The following SCNN1A variants were observed in gnomAD, a reference collection of about 807,000 sequenced individuals.
The protein encoded by SCNN1A is sodium channel epithelial 1 subunit alpha.
Under a neutral mutation model 68.6 loss-of-function variants are expected in SCNN1A, and 65 were observed. That is an observed-to-expected ratio of 0.95 (90% CI 0.78 to 1.16). The LOEUF (loss-of-function observed/expected upper bound fraction) is 1.16. SCNN1A is among the 50% of genes most tolerant of loss of function. The probability of loss-of-function intolerance (pLI) is 0.00; values close to 1 mark genes in which losing one functional copy is unlikely to be tolerated. For missense variants in SCNN1A, 880 were observed against 865.9 expected (o/e 1.02, Z -0.20); for synonymous variants, 357 against 353.3 (o/e 1.01, Z -0.12).
At chr12:6,377,201 A>T (rs934966248), upstream of SCNN1A, 15 of 1,511,958 alleles carry the variant, frequency 9.9e-6, no homozygotes, top group Middle Eastern at 1.7e-4. Context: ...GCGACTTCTT[A>T]AAGTGAAAGC....
Position 6,354,764 on chromosome 12 carries a change from T to C in SCNN1A, c.1228A>G (p.Lys410Glu), listed in dbSNP as rs761309529. 5.0e-6 allele frequency: 8 copies of C among 1,613,732 alleles called. No homozygotes were observed. Among genetic ancestry groups the C allele is most frequent in the Non-Finnish European group, 5.1e-6 (6 of 1,179,806 alleles). The change falls in exon 7 of 13, where the codon AAG becomes GAG. Residue 410 changes from lysine to glutamate, a missense_variant. Lys to Glu is a moderately conservative substitution (Grantham distance 56, BLOSUM62 1). Around this residue, in one of 3 missense-constraint regions of SCNN1A, gnomAD observed 758 missense variants for 721.8 expected, o/e 1.05. Transcript: ENST00000228916. Reference sequence around the variant, plus strand: ...TTGGGCCTCACCTGCTGTGTGTACTTTGAAGGGTAAAGGTTCTCAACAGGA... The same window carrying C: ...TTGGGCCTCACCTGCTGTGTGTACTCTGAAGGGTAAAGGTTCTCAACAGGA... ...DVPVENLYPSKYTQQVCIHSC... is the reference protein window; with the variant it reads ...DVPVENLYPSEYTQQVCIHSC...
At chr12:6,355,186 C>A in intron 6 of SCNN1A, 86 bp downstream of exon 6, 3 of 1,456,120 alleles carry the variant, frequency 2.1e-6, no homozygotes, top group South Asian at 1.2e-5. Context: ...ACCCCACATG[C>A]TCTCCCTCTC....
Position 6,372,679 on chromosome 12 carries a change from G to A in SCNN1A, c.416+1689C>T, listed in dbSNP as rs1031715374. Among the ~76,000 whole-genome samples, 4 of 152,128 alleles carry A rather than the reference G, an allele frequency of 2.6e-5. No individual in the cohort carries two copies. The highest frequency in any genetic ancestry group is 7.2e-5 in the African/African-American group (3 of 41,416). On this transcript the variant is annotated intron_variant, in intron 2 of 12. Transcript: ENST00000228916. The surrounding 1 kb of genome is among the most constrained non-coding windows in gnomAD (Gnocchi z 5.8). ...ATATTTATTGAGTGCCCACTGCCCC[G>A]CCTGCTGTCCTTCCCCTTCCTGCTG...
intron 2 of SCNN1A, among the ~76,000 whole-genome samples, chr12:6,373,050 G>A (rs1023621492): frequency 3.9e-5 from 6 of 152,118 alleles, no homozygotes; most frequent in Non-Finnish European, 5.9e-5. Context: ...CCTTCGCAGC[G>A]TCTGTGCACA....
In SCNN1A at chr12:6,348,808, G is replaced by A. The variant is rs376456435; in HGVS notation, c.1554-6C>T. On this transcript the variant is annotated splice_polypyrimidine_tract_variant and splice_region_variant and intron_variant, in intron 11 of 12. Coordinates refer to ENST00000228916, the MANE Select transcript of SCNN1A (RefSeq NM_001038.6). ...TGACTTTGGCCACTCCATTTCTTAG[G>A]TGTGGGGCAGAGGGTGGGAAGAAAT... 124 of 1,613,606 alleles carry A rather than the reference G, an allele frequency of 7.7e-5. 1 individual carries two copies. The East Asian group carries it at 1.9e-3, about 25-fold the overall frequency.
chr12:6,369,801 T>C (rs1383395177), intron 2 of SCNN1A, among the ~76,000 whole-genome samples: 1 of 129,770 alleles, frequency 7.7e-6, no homozygotes, highest in Non-Finnish European at 1.5e-5. Context: ...ACCACTGCAC[T>C]CCAGCCTGGG....
rs954710150 is a variant in SCNN1A, at chr12:6,349,231, G to A, written c.1440-10C>T. ...CTGGTAGCTGGTCACGCTGGGGATG[G>A]AGAAAGGTGCTCAGTGTTGGGGCAG... On this transcript the variant is annotated splice_polypyrimidine_tract_variant and intron_variant, in intron 9 of 12. Transcript: ENST00000228916. The A allele has an allele frequency of 5.6e-6, 9 of 1,614,026 alleles. No individual in the cohort carries two copies. Among genetic ancestry groups the A allele is most frequent in the African/African-American group, 4.0e-5 (3 of 74,912 alleles).
At chr12:6,352,679 C>G (rs907478460) in intron 8 of SCNN1A, among the ~76,000 whole-genome samples, 3 of 152,222 alleles carry the variant, frequency 2.0e-5, no homozygotes, top group Non-Finnish European at 4.4e-5. Flanking sequence ...GAGATGAGGC[C>G]AGATGGCCTT....
At position 6,348,137 on chromosome 12, in the gene SCNN1A, G is replaced by A. The variant is rs1460404462; in HGVS notation, c.1746C>T (p.Leu582=). 12 of 1,614,084 alleles carry A rather than the reference G, an allele frequency of 7.4e-6. No individual in the cohort carries two copies. The African/African-American group carries it at 1.2e-4, about 16-fold the overall frequency. The change falls in exon 13 of 13, where the codon CTC becomes CTT. Residue 582 remains leucine (L), a synonymous_variant. Coordinates refer to ENST00000228916, the MANE Select transcript of SCNN1A (RefSeq NM_001038.6). ...LVFDLLVIMF[L]MLLRRFRSRY... ...GGCTTCGGAACCTTCGGAGCAGCATGAGGAACATGATGACCAGCAGGTCAA... is the reference window on the plus strand; with the variant it reads ...GGCTTCGGAACCTTCGGAGCAGCATAAGGAACATGATGACCAGCAGGTCAA...
chr12:6,348,850 C>A (rs752463956), intron 11 of SCNN1A, 48 bp from the exon 12 acceptor site: 2 of 1,602,096 alleles, frequency 1.2e-6, no homozygotes, highest in Non-Finnish European at 1.7e-6. Flanking sequence ...GGATGAATTT[C>A]CTGGACCTTC....
rs199644972 is a variant in SCNN1A at position 6,358,004 on chromosome 12, G to GA, written c.876-2125dup. ...TAAGAGTGAAACTCCGTCTCCAAAA[G>GA]AAAAAAAAAGAGCACAGACTCCAGA... On this transcript the variant is annotated intron_variant, in intron 4 of 12. Coordinates refer to ENST00000228916, the MANE Select transcript of SCNN1A (RefSeq NM_001038.6). 4.7e-5 allele frequency among the ~76,000 whole-genome samples: 7 copies of GA among 150,520 alleles called. No homozygotes were observed. The East Asian group carries it at 5.8e-4, about 13-fold the overall frequency.
At position 6,369,189 on chromosome 12, in the gene SCNN1A, C is replaced by G. The variant is rs754170350; in HGVS notation, c.416+5179G>C. 5.4e-4 allele frequency among the ~76,000 whole-genome samples: 82 copies of G among 152,040 alleles called. 2 individuals are homozygous for G. The highest frequency in any genetic ancestry group is 8.8e-5 in the Non-Finnish European group (6 of 67,990). On this transcript the variant is annotated intron_variant, in intron 2 of 12. Coordinates refer to ENST00000228916, the MANE Select transcript of SCNN1A (RefSeq NM_001038.6). ...ATCACCAACTTCAATCTGGTTGTCA[C>G]TTCTCTGGCCACACTCCTCTCCCCT...
chr12:6,356,100 T>C, intron 4 of SCNN1A: 1 of 603,402 alleles, frequency 1.7e-6, no homozygotes, highest in Non-Finnish European at 3.0e-6. Flanking sequence ...GAGAGTCTCA[T>C]CCTCATATCA....
intron 8 of SCNN1A, among the ~76,000 whole-genome samples, chr12:6,350,433 C>CAAAAAAAAAAA (rs757902358): frequency 1.5e-5 from 1 of 64,998 alleles, no homozygotes; most frequent in African/African-American, 5.3e-5. Flanking sequence ...GACTCCGTCT[C>CAAAAAAAAAAA]AAAAAAAAAA....
At position 6,354,795 on chromosome 12, in the gene SCNN1A, A is replaced by T. The variant is rs766246552; in HGVS notation, c.1197T>A (p.Ser399Arg). 15 of 1,612,598 alleles carry T rather than the reference A, an allele frequency of 9.3e-6. No individual in the cohort carries two copies. Among genetic ancestry groups the T allele is most frequent in the Non-Finnish European group, 1.2e-5 (14 of 1,179,636 alleles). ...GDYGDCTKNG[S>R]DVPVENLYPS... The stretch of plus-strand genomic sequence containing the variant: ...GGTAAAGGTTCTCAACAGGAACATC[A>T]CTGCCATTCTTGGTGCAGTCGCCAT... Residue 399 changes from serine to arginine, a missense_variant, in exon 7 of 13, where the codon AGT becomes AGA. This residue lies in a region of SCNN1A where 758 missense variants were observed against 721.8 expected (regional missense o/e 1.05). Coordinates refer to ENST00000228916, the MANE Select transcript of SCNN1A (RefSeq NM_001038.6).
chr12:6,373,117 C>T (rs762766040), intron 2 of SCNN1A, among the ~76,000 whole-genome samples: 175 of 151,970 alleles, frequency 1.2e-3, no homozygotes, highest in Non-Finnish European at 1.6e-3. Flanking sequence ...CGTTAATCAA[C>T]GAAATGACCT....
rs1444129243 is a variant in SCNN1A at position 6,372,821 on chromosome 12, T to C, written c.416+1547A>G. ...GCTCTGAAATGAGGCGGAAGCCACA[T>C]CTGACTGGAAGTTTCATTCACTCAA... On this transcript the variant is annotated intron_variant, in intron 2 of 12. Coordinates refer to ENST00000228916, the MANE Select transcript of SCNN1A (RefSeq NM_001038.6). The surrounding 1 kb of genome is among the most constrained non-coding windows in gnomAD (Gnocchi z 5.8). 6.6e-6 allele frequency among the ~76,000 whole-genome samples: 1 copy of C among 152,116 alleles called. No individual in the cohort carries two copies. The highest frequency in any genetic ancestry group is 1.5e-5 in the Non-Finnish European group (1 of 68,024).
In SCNN1A at chr12:6,374,587, G is replaced by T; in HGVS notation, c.197C>A (p.Thr66Asn). The T allele has an allele frequency of 1.2e-6, 2 of 1,614,128 alleles. No individual in the cohort carries two copies. Among genetic ancestry groups the T allele is most frequent in the Non-Finnish European group, 1.7e-6 (2 of 1,180,012 alleles). ...CAGGCGGATGGCGCCGTGGATGGTG[G>T]TGTTGTTGCAGAAGAACTCGAAGAG... The part of the protein sequence containing the change: ...RELFEFFCNN[T>N]TIHGAIRLVC... Residue 66 changes from threonine to asparagine, a missense_variant, in exon 2 of 13, where the codon ACC becomes AAC. This residue lies in a region of SCNN1A where 45 missense variants were observed against 76.7 expected (regional missense o/e 0.59). Coordinates refer to ENST00000228916, the MANE Select transcript of SCNN1A (RefSeq NM_001038.6). This position sits in a 1 kb window ranked among gnomAD's most constrained non-coding sequence, Gnocchi z 6.2.
At chr12:6,361,333 T>C (rs753221871) in intron 4 of SCNN1A, among the ~76,000 whole-genome samples, 3 of 152,200 alleles carry the variant, frequency 2.0e-5, no homozygotes, top group African/African-American at 4.8e-5. Context: ...CCTCAACCCA[T>C]GCCACTCCAC....
Sources: gnomAD v4.1 joint callset for allele counts (sites outside exome capture counted in the v4.1 genomes callset) on GRCh38, gnomAD v4.1.1 for gene constraint, gnomAD v4.1.1 regional missense constraint, Gnocchi (gnomAD v3.1) non-coding constraint, MANE v1.5 for transcripts, NCBI Gene and HGNC (gene_info 2026-07-23, HGNC 2026-07-21) for gene names.